The following SHROOM3 variants were observed in gnomAD, a reference collection of about 807,000 sequenced individuals.
The protein encoded by SHROOM3 is shroom family member 3, also known as protein Shroom3.
A neutral mutation model predicts 138.6 loss-of-function variants in SHROOM3; 47 were observed. The ratio of observed to expected loss-of-function variants is 0.34; its 90% CI spans 0.27 to 0.43. The LOEUF (loss-of-function observed/expected upper bound fraction) is 0.43, where lower values mean the gene tolerates loss of function less well. Ranked by LOEUF, SHROOM3 falls within the 20% of genes least tolerant of loss-of-function variation. The pLI is 1.00. For synonymous variants in SHROOM3, 1,062 were observed against 1,063.3 expected, an observed-to-expected ratio of 1.00 and a Z score of 0.02; for missense variants, 2,491 against 2,596.5, an observed-to-expected ratio of 0.96 and a Z score of 0.88.
In SHROOM3 at chr4:76,443,204, T is replaced by C. The variant is rs114327569; in HGVS notation, c.168+6984T>C. 6.1e-3 allele frequency among the ~76,000 whole-genome samples: 927 copies of C among 152,364 alleles called. 11 individuals carry two copies. Among genetic ancestry groups the C allele is most frequent in the African/African-American group, 0.021 (888 of 41,586 alleles). On this transcript the variant is annotated intron_variant, in intron 1 of 10. Transcript: ENST00000296043. ...TTTAGTACAAATTAATTTTGATATT[T>C]CCTATCAATGTTGTTGGAAATAACT...
In SHROOM3 at chr4:76,543,430, G is replaced by A. The variant is rs1229533807; in HGVS notation, c.169-12179G>A. Reference sequence around the variant, plus strand: ...CAAAAGCTGCACATGGATTTGACAGGACTAATTGAGTTTTTATTTGTTTGT... The same window carrying A: ...CAAAAGCTGCACATGGATTTGACAGAACTAATTGAGTTTTTATTTGTTTGT... On this transcript the variant is annotated intron_variant, in intron 1 of 10. Transcript: ENST00000296043. 2.0e-5 allele frequency among the ~76,000 whole-genome samples: 3 copies of A among 152,170 alleles called. No homozygotes were observed. The East Asian group carries it at 5.8e-4, about 29-fold the overall frequency.
At chr4:76,660,493 T>A (rs75827133) in intron 2 of SHROOM3, among the ~76,000 whole-genome samples, 4 of 152,158 alleles carry the variant, frequency 2.6e-5, no homozygotes, top group Non-Finnish European at 4.4e-5. Context: ...TAATTTTTTT[T>A]AAGATGGAGT....
intron 1 of SHROOM3, among the ~76,000 whole-genome samples, chr4:76,447,274 G>T (rs375214212): frequency 3.2e-4 from 49 of 152,308 alleles, no homozygotes; most frequent in African/African-American, 1.2e-3. Context: ...GTATATTAAA[G>T]TGTATCCTGA....
At chr4:76,529,652 C>A (rs561658978) in intron 1 of SHROOM3, among the ~76,000 whole-genome samples, 8 of 152,204 alleles carry the variant, frequency 5.3e-5, no homozygotes, top group Admixed American at 2.0e-4. Flanking sequence ...AGAGTGGAGG[C>A]ATAGGCCCTC....
intron 2 of SHROOM3, among the ~76,000 whole-genome samples, chr4:76,708,315 C>T (rs1299156434): frequency 6.6e-6 from 1 of 151,392 alleles, no homozygotes; most frequent in Non-Finnish European, 1.5e-5. Context: ...TGTCTCTAGG[C>T]ATCTCCCAGG....
intron 3 of SHROOM3, among the ~76,000 whole-genome samples, chr4:76,728,214 G>A (rs1039925738): frequency 3.3e-5 from 5 of 152,100 alleles, no homozygotes; most frequent in African/African-American, 1.2e-4. Flanking sequence ...AGATTAGAGA[G>A]GTATGGTGAT....
Position 76,555,643 on chromosome 4 carries a change from C to T in SHROOM3, c.203C>T (p.Ser68Phe), listed in dbSNP as rs1286277607. 1.2e-6 allele frequency: 2 copies of T among 1,613,870 alleles called. No homozygotes were observed. Among genetic ancestry groups the T allele is most frequent in the Non-Finnish European group, 1.7e-6 (2 of 1,180,024 alleles). ...GGGGGCAAAGCAGACACCCTGAGCT[C>T]CAAACTGCAGGCTGGGGATGAGGTT... is the stretch of plus-strand genomic sequence containing the variant. The part of the protein sequence containing the change: ...EEGGKADTLS[S>F]KLQAGDEVVH... Residue 68 changes from serine to phenylalanine, a missense_variant, in exon 2 of 11, where the codon TCC (serine) becomes TTC (phenylalanine). By Grantham distance (155) the Ser-to-Phe change is radical. Coordinates refer to ENST00000296043, the MANE Select transcript of SHROOM3 (RefSeq NM_020859.4).
intron 9 of SHROOM3, among the ~76,000 whole-genome samples, chr4:76,770,183 C>G (rs1405183301): frequency 6.6e-6 from 1 of 151,620 alleles, no homozygotes; most frequent in Admixed American, 6.6e-5. Context: ...ATTAGCCAGG[C>G]GTGGTGGTGG....
intron 2 of SHROOM3, among the ~76,000 whole-genome samples, chr4:76,564,839 T>C (rs763684493): frequency 3.3e-5 from 5 of 152,082 alleles, no homozygotes; most frequent in Non-Finnish European, 7.4e-5. Flanking sequence ...TTCTATACCA[T>C]TAAAGAATTA....
intron 2 of SHROOM3, among the ~76,000 whole-genome samples, chr4:76,603,771 C>T (rs889294744): frequency 6.6e-6 from 1 of 151,776 alleles, no homozygotes; most frequent in African/African-American, 2.4e-5. Flanking sequence ...TGTGATGTTC[C>T]CCTCCCTGTG....
chr4:76,594,552 C>T (rs1430773929), intron 2 of SHROOM3, among the ~76,000 whole-genome samples: 1 of 152,186 alleles, frequency 6.6e-6, no homozygotes, highest in Non-Finnish European at 1.5e-5. Context: ...GAGGTGAGGA[C>T]ATCATGGGAC....
At chr4:76,650,412 A>G (rs564501540) in intron 2 of SHROOM3, among the ~76,000 whole-genome samples, 1 of 152,322 alleles carries the variant, frequency 6.6e-6, no homozygotes, top group South Asian at 2.1e-4. Context: ...GATCTACTAT[A>G]CAATCTAGCA....
intron 2 of SHROOM3, among the ~76,000 whole-genome samples, chr4:76,629,940 T>C (rs1227157185): frequency 2.0e-5 from 3 of 152,196 alleles, no homozygotes. Context: ...CTTCAGCCTA[T>C]ATATGAACCA....
chr4:76,441,089 T>G (rs990481484), intron 1 of SHROOM3, among the ~76,000 whole-genome samples: 5 of 124,422 alleles, frequency 4.0e-5, no homozygotes, highest in Non-Finnish European at 6.7e-5. Context: ...TCAATTTGTT[T>G]TTTTTTTTTT....
chr4:76,497,099 T>C (rs768268153), intron 1 of SHROOM3, among the ~76,000 whole-genome samples: 8 of 152,252 alleles, frequency 5.3e-5, no homozygotes, highest in African/African-American at 7.2e-5. Flanking sequence ...TTTTAAGGCA[T>C]GTTCCTATTT....
intron 2 of SHROOM3, among the ~76,000 whole-genome samples, chr4:76,595,605 A>C (rs1246544623): frequency 6.6e-6 from 1 of 152,152 alleles, no homozygotes; most frequent in African/African-American, 2.4e-5. Context: ...TTTTTTTAGG[A>C]GTCAGATCTC....
intron 1 of SHROOM3, among the ~76,000 whole-genome samples, chr4:76,440,173 T>C (rs551007233): frequency 6.6e-6 from 1 of 152,346 alleles, no homozygotes; most frequent in Non-Finnish European, 1.5e-5. Flanking sequence ...TTTGTGATGT[T>C]CCAGGCTCTA....
At chr4:76,570,230 A>G (rs912104457) in intron 2 of SHROOM3, among the ~76,000 whole-genome samples, 8 of 152,120 alleles carry the variant, frequency 5.3e-5, no homozygotes, top group Admixed American at 3.3e-4. Flanking sequence ...GGGCAGAGCA[A>G]CCTGCAGCAG....
intron 3 of SHROOM3, among the ~76,000 whole-genome samples, chr4:76,713,911 A>C (rs1041748619): frequency 2.6e-5 from 4 of 152,186 alleles, no homozygotes; most frequent in Non-Finnish European, 5.9e-5. Flanking sequence ...GTCCCCCAAG[A>C]AGTCTCTCTG....
Sources: allele counts gnomAD v4.1 joint callset (sites outside exome capture counted in the v4.1 genomes callset), GRCh38; gene constraint gnomAD v4.1.1; transcripts MANE v1.5; gene names NCBI Gene and HGNC (gene_info 2026-07-23, HGNC 2026-07-21).